The following VPS13B variants were observed in gnomAD, a reference collection of about 807,000 sequenced individuals.
VPS13B encodes vacuolar protein sorting 13 homolog B.
VPS13B carries 285 observed loss-of-function variants against 426.4 expected under a neutral mutation model. The observed-to-expected ratio is 0.67, with a 90% CI of 0.61 to 0.74. The LOEUF (loss-of-function observed/expected upper bound fraction) is 0.74, where lower values mean the gene tolerates loss of function less well. VPS13B is among the 30% of genes least tolerant of loss of function. The probability of loss-of-function intolerance (pLI) is 0.00; values close to 1 mark genes in which losing one functional copy is unlikely to be tolerated. For missense variants in VPS13B, 4,537 were observed against 4,782.6 expected (o/e 0.95, Z 1.51); for synonymous variants, 1,676 against 1,676.4 (o/e 1.00, Z 0.01).
At chr8:99,342,218 T>A (rs1811288660) in intron 19 of VPS13B, among the ~76,000 whole-genome samples, 1 of 152,242 alleles carries the variant, frequency 6.6e-6, no homozygotes, top group Non-Finnish European at 1.5e-5. Flanking sequence ...AACATATCTG[T>A]CATGTCGTTT....
intron 59 of VPS13B, 100 bp downstream of exon 59, chr8:99,868,565 C>G: frequency 1.4e-6 from 2 of 1,379,470 alleles, no homozygotes; most frequent in Non-Finnish European, 2.0e-6. Flanking sequence ...ACATGGCAGA[C>G]AGTGGCTATC....
At chr8:99,138,812 A>G (rs1588079304) in intron 12 of VPS13B, among the ~76,000 whole-genome samples, 1 of 152,190 alleles carries the variant, frequency 6.6e-6, no homozygotes, top group East Asian at 1.9e-4. Flanking sequence ...TGTTCAATAT[A>G]ATGTCTTATG....
chr8:99,428,532 A>C (rs1024763799), intron 21 of VPS13B, among the ~76,000 whole-genome samples: 3 of 152,230 alleles, frequency 2.0e-5, no homozygotes, highest in South Asian at 2.1e-4. Flanking sequence ...CACATGAAAA[A>C]ATGCTCATCA....
intron 3 of VPS13B, among the ~76,000 whole-genome samples, chr8:99,067,214 T>C (rs1844574179): frequency 6.6e-6 from 1 of 152,188 alleles, no homozygotes; most frequent in African/African-American, 2.4e-5. Context: ...TGGGGCACTA[T>C]TCACAATAGT....
At chr8:99,251,283 G>A (rs1465989225) in intron 17 of VPS13B, among the ~76,000 whole-genome samples, 2 of 152,118 alleles carry the variant, frequency 1.3e-5, no homozygotes, top group African/African-American at 4.8e-5. Context: ...ACTATTAAGT[G>A]ATTTTAGGTG....
chr8:99,826,965 G>A (rs998337129), intron 51 of VPS13B, among the ~76,000 whole-genome samples: 8 of 151,892 alleles, frequency 5.3e-5, no homozygotes, highest in African/African-American at 1.5e-4. Flanking sequence ...TGCTGGATTC[G>A]GTTTGCCAGT....
At chr8:99,491,154 G>A (rs1820584509) in intron 25 of VPS13B, among the ~76,000 whole-genome samples, 1 of 152,026 alleles carries the variant, frequency 6.6e-6, no homozygotes, top group Non-Finnish European at 1.5e-5. Context: ...CCTTCATTTC[G>A]TTATTTACCT....
intron 33 of VPS13B, among the ~76,000 whole-genome samples, chr8:99,594,669 C>G (rs1305348039): frequency 6.6e-6 from 1 of 151,890 alleles, no homozygotes; most frequent in African/African-American, 2.4e-5. Flanking sequence ...GGTGTCTGTT[C>G]CATAGACTTC....
At chr8:99,821,623 AACTT>A in intron 50 of VPS13B, 141 bp downstream of exon 50, 1 of 1,028,154 alleles carries the variant, frequency 9.7e-7, no homozygotes, top group South Asian at 1.4e-5. Context: ...TTGATTTCTT[AACTT>A]CTTAGACCTC....
intron 17 of VPS13B, among the ~76,000 whole-genome samples, chr8:99,239,280 G>T (rs937691830): frequency 5.3e-5 from 8 of 152,076 alleles, no homozygotes; most frequent in African/African-American, 1.9e-4. Flanking sequence ...CATAAATTTA[G>T]AGTAATCTTA....
intron 13 of VPS13B, among the ~76,000 whole-genome samples, chr8:99,144,909 G>A (rs1367307174): frequency 2.6e-5 from 4 of 152,130 alleles, no homozygotes; most frequent in African/African-American, 9.7e-5. Flanking sequence ...GGAGGGGAGA[G>A]CTGTTTTAGT....
intron 20 of VPS13B, among the ~76,000 whole-genome samples, chr8:99,386,231 A>G (rs987553380): frequency 6.6e-6 from 1 of 152,232 alleles, no homozygotes; most frequent in African/African-American, 2.4e-5. Flanking sequence ...TAAATTAGAC[A>G]TTCATTTAAT....
At chr8:99,173,472 A>T (rs1226349459) in intron 16 of VPS13B, among the ~76,000 whole-genome samples, 6 of 152,186 alleles carry the variant, frequency 3.9e-5, no homozygotes, top group African/African-American at 1.4e-4. Context: ...ATGTTTATAC[A>T]ACTGCCCTGT....
Position 99,511,303 on chromosome 8 carries a change from A to G in VPS13B, c.4424A>G (p.Asp1475Gly), listed in dbSNP as rs751663330. 13 of 1,613,724 alleles carry G rather than the reference A, an allele frequency of 8.1e-6. No individual in the cohort carries two copies. Among genetic ancestry groups the G allele is most frequent in the Non-Finnish European group, 1.0e-5 (12 of 1,179,940 alleles). The change falls in exon 29 of 62, where the codon GAT (aspartate) becomes GGT (glycine). Residue 1475 changes from aspartate (D) to glycine (G), a missense_variant. Physicochemically the swap from Asp to Gly is moderately conservative, Grantham distance 94. Coordinates refer to ENST00000357162, the MANE Select transcript of VPS13B (RefSeq NM_152564.5). ...HEILLSAQAF[D>G]IVLYFPLLNA... ...ATTCTTCTTTCAGCACAAGCTTTTG[A>G]TATTGTTCTTTATTTTCCTTTACTT... is the stretch of plus-strand genomic sequence containing the variant.
chr8:99,027,590 C>T (rs1309643426), intron 2 of VPS13B, among the ~76,000 whole-genome samples: 1 of 151,768 alleles, frequency 6.6e-6, no homozygotes, highest in Non-Finnish European at 1.5e-5. Context: ...TTTTAGTTTT[C>T]CTTCATTTCT....
intron 33 of VPS13B, among the ~76,000 whole-genome samples, chr8:99,603,690 A>G (rs1255031430): frequency 6.6e-6 from 1 of 152,216 alleles, no homozygotes; most frequent in African/African-American, 2.4e-5. Context: ...AGAATGGCAT[A>G]CAATTTAAAA....
At chr8:99,266,199 G>T (rs1000197634) in intron 17 of VPS13B, among the ~76,000 whole-genome samples, 2 of 151,960 alleles carry the variant, frequency 1.3e-5, no homozygotes, top group African/African-American at 4.8e-5. Context: ...GGGCAAGAAG[G>T]TTGGTGGAAA....
intron 32 of VPS13B, among the ~76,000 whole-genome samples, chr8:99,576,150 T>C (rs192771181): frequency 6.6e-6 from 1 of 152,220 alleles, no homozygotes; most frequent in African/African-American, 2.4e-5. Context: ...AACTGATCAA[T>C]AGAAGAAATA....
chr8:99,805,262 T>G (rs987115779), intron 43 of VPS13B, among the ~76,000 whole-genome samples: 1 of 150,862 alleles, frequency 6.6e-6, no homozygotes, highest in African/African-American at 2.4e-5. Flanking sequence ...AATACACAAA[T>G]GAGTGTGAAG....
Sources: gnomAD v4.1 joint callset for allele counts (sites outside exome capture counted in the v4.1 genomes callset) on GRCh38, gnomAD v4.1.1 for gene constraint, MANE v1.5 for transcripts, NCBI Gene and HGNC (gene_info 2026-07-23, HGNC 2026-07-21) for gene names.